CBX7: variants seen among roughly 807,000 people sequenced by gnomAD.
The protein encoded by CBX7 is chromobox 7.
CBX7 carries 14 observed loss-of-function variants against 31.4 expected under a neutral mutation model. That is an observed-to-expected ratio of 0.45 (90% CI 0.29 to 0.70). CBX7 has a LOEUF of 0.70. Ranked by LOEUF, CBX7 falls within the 30% of genes least tolerant of loss-of-function variation. The pLI, the probability that CBX7 is intolerant of heterozygous loss-of-function variation, is 0.11. For missense variants in CBX7, 269 were observed against 351.9 expected (o/e 0.76, Z 1.89); for synonymous variants, 159 against 152.6 (o/e 1.04, Z -0.31).
rs997627683 is a variant in CBX7, at chr22:39,133,856, A to G, written c.*35T>C. On this transcript the variant is annotated 3_prime_UTR_variant, in exon 6 of 6. Transcript: ENST00000216133. ...CTCTGGAAGTCCCACCCCAAGCCCA[A>G]AAGAAAACAGTTTAAGAAGAGTAAA... The G allele has an allele frequency of 3.2e-6, 5 of 1,546,400 alleles. No individual in the cohort carries two copies. Among genetic ancestry groups the G allele is most frequent in the Non-Finnish European group, 4.4e-6 (5 of 1,139,228 alleles).
chr22:39,149,296 C>A, intron 2 of CBX7: 1 of 157,580 alleles, frequency 6.3e-6, no homozygotes, highest in South Asian at 1.9e-4. Context: ...AGCGCCTGAT[C>A]ACACCTACCT....
chr22:39,150,352 G>A (rs529382290), intron 1 of CBX7, among the ~76,000 whole-genome samples: 1 of 152,278 alleles, frequency 6.6e-6, no homozygotes, highest in South Asian at 2.1e-4. Flanking sequence ...AGTGACTTGA[G>A]GACTCTCAAC....
chr22:39,134,599 T>G lies in CBX7; in HGVS notation c.400A>C (p.Thr134Pro), dbSNP rs1026139208. The change falls in exon 5 of 6, where the codon ACC becomes CCC. Residue 134 changes from threonine (T) to proline (P), a missense_variant. This residue lies in a region of CBX7 where 222 missense variants were observed against 240.4 expected (regional missense o/e 0.92). Coordinates refer to ENST00000216133, the MANE Select transcript of CBX7 (RefSeq NM_175709.5). ...ELVDKGPLVPTLPFPLRKPRK... is the reference protein window; with the variant it reads ...ELVDKGPLVPPLPFPLRKPRK... ...GGCTTGCGGAGCGGGAAGGGCAGGGTGGGCACCAAGGGGCCCTTGTCCACC... is the reference window on the plus strand; with the variant it reads ...GGCTTGCGGAGCGGGAAGGGCAGGGGGGGCACCAAGGGGCCCTTGTCCACC... The G allele has an allele frequency of 6.3e-7, 1 of 1,590,248 alleles. No homozygotes were observed. The highest frequency in any genetic ancestry group is 8.6e-7 in the Non-Finnish European group (1 of 1,168,888).
chr22:39,148,187 A>G (rs542395726), intron 2 of CBX7: 1 of 152,366 alleles, frequency 6.6e-6, no homozygotes, highest in East Asian at 1.9e-4. Flanking sequence ...GCATGTTAAG[A>G]AACAAATGGG....
rs1415800550 is a variant in CBX7 at position 39,134,571 on chromosome 22, C to T, written c.428G>A (p.Arg143Gln). ...GAGCCGCAGGTACTTGTGGGCCTTT[C>T]GGGGCTTGCGGAGCGGGAAGGGCAG... ...PTLPFPLRKP[R>Q]KAHKYLRLSR... The change falls in exon 5 of 6, where the codon CGA becomes CAA. Residue 143 changes from arginine (R) to glutamine (Q), a missense_variant. This residue lies in a region of CBX7 where 222 missense variants were observed against 240.4 expected (regional missense o/e 0.92). Coordinates refer to ENST00000216133, the MANE Select transcript of CBX7 (RefSeq NM_175709.5). 2.5e-6 allele frequency: 4 copies of T among 1,602,370 alleles called. No individual in the cohort carries two copies. Among genetic ancestry groups the T allele is most frequent in the Non-Finnish European group, 2.6e-6 (3 of 1,175,126 alleles).
intron 2 of CBX7, 43 bp from the exon 3 acceptor site, chr22:39,141,479 T>C (rs1601561052): frequency 1.3e-6 from 2 of 1,554,468 alleles, no homozygotes; most frequent in Admixed American, 1.8e-5. Flanking sequence ...CTGGGCGCGG[T>C]GGCTCATGCC....
chr22:39,149,848 A>G lies in CBX7; in HGVS notation c.70-16T>C, dbSNP rs754869621. 11 of 1,612,814 alleles carry G rather than the reference A, an allele frequency of 6.8e-6. No homozygotes were observed. The highest frequency in any genetic ancestry group is 1.3e-5 in the African/African-American group (1 of 74,864). On this transcript the variant is annotated splice_polypyrimidine_tract_variant and intron_variant, in intron 1 of 5. Transcript: ENST00000216133. ...CGACTTTACCCTGAGAAGAGAGAGA[A>G]GCAGACACAGTGAGTCTCGTGGTTG...
Position 39,152,349 on chromosome 22 carries a change from C to A in CBX7, c.69+27G>T. On this transcript the variant is annotated intron_variant, in intron 1 of 5. Transcript: ENST00000216133. This position sits in a 1 kb window ranked among gnomAD's most constrained non-coding sequence, Gnocchi z 4.9. ...GGACGGGAGGGACCCCACTGGGGTCCTGGGAGCCGCCCCCGGGCAGCCTCA... is the reference window on the plus strand; with the variant it reads ...GGACGGGAGGGACCCCACTGGGGTCATGGGAGCCGCCCCCGGGCAGCCTCA... 1.5e-6 allele frequency: 2 copies of A among 1,370,436 alleles called. No individual in the cohort carries two copies. The highest frequency in any genetic ancestry group is 2.8e-5 in the Admixed American group (1 of 35,598). The allele number at this position is 1,370,436 out of a possible 1,614,324, so 84.9% of individuals were successfully genotyped here.
intron 2 of CBX7, chr22:39,147,594 G>A (rs1325809954): frequency 2.0e-5 from 3 of 150,106 alleles, no homozygotes. Context: ...AGACAGAGCT[G>A]GCTCCCCTGC....
chr22:39,147,911 C>G (rs1216402218), intron 2 of CBX7: 2 of 152,248 alleles, frequency 1.3e-5, no homozygotes, highest in African/African-American at 4.8e-5. Context: ...ATCTATCTAA[C>G]TTAATCTTAA....
At chr22:39,136,396 G>C (rs1930255515) in intron 4 of CBX7, 1 of 152,348 alleles carries the variant, frequency 6.6e-6, no homozygotes, top group South Asian at 2.1e-4. Context: ...TCCCAGGCTA[G>C]GGCATAAAAG....
intron 4 of CBX7, 102 bp downstream of exon 4, chr22:39,138,534 G>A (rs1311087220): frequency 1.8e-5 from 20 of 1,097,792 alleles, no homozygotes. Flanking sequence ...CAGGCGAGGG[G>A]ACACAGATCA....
At chr22:39,135,306 G>A (rs1361951579) in intron 4 of CBX7, 1 of 153,386 alleles carries the variant, frequency 6.5e-6, no homozygotes, top group African/African-American at 2.4e-5. Flanking sequence ...ACCCCTCCAG[G>A]GGGCTCCTGG....
At chr22:39,145,431 C>T (rs1447809300) in intron 2 of CBX7, among the ~76,000 whole-genome samples, 1 of 152,176 alleles carries the variant, frequency 6.6e-6, no homozygotes, top group Non-Finnish European at 1.5e-5. Flanking sequence ...CGGAGACCCT[C>T]GGGTGCCTGG....
intron 4 of CBX7, 153 bp from the exon 5 acceptor site, chr22:39,134,905 C>T (rs897848827): frequency 1.1e-4 from 68 of 612,520 alleles, no homozygotes; most frequent in African/African-American, 1.1e-3. Context: ...CACCCCACCC[C>T]ACCCCAGCCC....
rs1422886514 is a variant in CBX7, at chr22:39,139,658, G to A, written c.180-956C>T. Among the ~76,000 whole-genome samples the A allele has an allele frequency of 4.3e-5, 6 of 140,924 alleles. No individual in the cohort carries two copies. In the South Asian group the frequency reaches 8.9e-4, roughly 21 times the overall value. The allele number at this position is 140,924 out of a possible 152,430, so 92.5% of individuals were successfully genotyped here. ...GCGGAGCTTGCAGTGAGCCGAGATC[G>A]CGCCACTGCACTCCAGCCTGGGCAA... On this transcript the variant is annotated intron_variant, in intron 3 of 5. Transcript: ENST00000216133.
intron 2 of CBX7, among the ~76,000 whole-genome samples, chr22:39,145,033 C>A (rs1201319501): frequency 1.3e-5 from 2 of 152,198 alleles, no homozygotes; most frequent in Non-Finnish European, 2.9e-5. Context: ...CTGGGACCCC[C>A]GACTGTGCAG....
chr22:39,146,291 G>A (rs1930659038), intron 2 of CBX7, among the ~76,000 whole-genome samples: 1 of 152,238 alleles, frequency 6.6e-6, no homozygotes, highest in African/African-American at 2.4e-5. Context: ...CCCAGGGAGC[G>A]TAAAAGTCTG....
intron 2 of CBX7, among the ~76,000 whole-genome samples, chr22:39,141,952 A>G (rs1224386399): frequency 6.6e-6 from 1 of 152,088 alleles, no homozygotes; most frequent in East Asian, 1.9e-4. Flanking sequence ...TCACTCTACA[A>G]TGTGACTGGG....
Sources: allele counts gnomAD v4.1 joint callset (sites outside exome capture counted in the v4.1 genomes callset), GRCh38; gene constraint gnomAD v4.1.1; regional missense constraint gnomAD v4.1.1; non-coding constraint Gnocchi (gnomAD v3.1); transcripts MANE v1.5; gene names NCBI Gene and HGNC (gene_info 2026-07-23, HGNC 2026-07-21).